The following HSPA12A variants were observed in gnomAD, a reference collection of about 807,000 sequenced individuals.
HSPA12A encodes the protein heat shock 70 kDa protein 12A.
In HSPA12A, 28 loss-of-function variants were observed where a neutral mutation model predicts 69.2. The ratio of observed to expected loss-of-function variants is 0.40; its 90% CI spans 0.30 to 0.55. HSPA12A has a LOEUF of 0.55. Ranked by LOEUF, HSPA12A falls within the 20% of genes least tolerant of loss-of-function variation. The pLI, the probability that HSPA12A is intolerant of heterozygous loss-of-function variation, is 0.38. For missense variants in HSPA12A, 686 were observed against 900.7 expected, an observed-to-expected ratio of 0.76 and a Z score of 3.05; for synonymous variants, 345 against 370.5, an observed-to-expected ratio of 0.93 and a Z score of 0.79.
rs956417277 is a variant in HSPA12A at position 116,674,467 on chromosome 10, G to A, written c.*314C>T. 3.0e-5 allele frequency: 11 copies of A among 369,688 alleles called. No homozygotes were observed. Among genetic ancestry groups the A allele is most frequent in the East Asian group, 5.1e-5 (1 of 19,680 alleles). The allele number at this position is 369,688 out of a possible 1,614,324, so 22.9% of individuals were successfully genotyped here. A position where few individuals can be genotyped will look rare whatever the true frequency, so the allele number is the denominator to read the frequency against. On this transcript the variant is annotated 3_prime_UTR_variant, in exon 12 of 12. Transcript: ENST00000369209. ...ATAACGGAGATCTGTTCAAAGCAGC[G>A]CAACCACTGCTGCAGAAATGTACTG... is the stretch of plus-strand genomic sequence containing the variant.
Position 116,674,474 on chromosome 10 carries a change from C to G in HSPA12A, c.*307G>C. 2 of 395,284 alleles carry G rather than the reference C, an allele frequency of 5.1e-6. No homozygotes were observed. The highest frequency in any genetic ancestry group is 9.3e-6 in the Non-Finnish European group (2 of 215,698). The allele number at this position is 395,284 out of a possible 1,614,324, so 24.5% of individuals were successfully genotyped here. A position where few individuals can be genotyped will look rare whatever the true frequency, so the allele number is the denominator to read the frequency against. On this transcript the variant is annotated 3_prime_UTR_variant, in exon 12 of 12. Coordinates refer to ENST00000369209, the MANE Select transcript of HSPA12A (RefSeq NM_025015.3). ...AGATCTGTTCAAAGCAGCGCAACCA[C>G]TGCTGCAGAAATGTACTGATTCCCT... is the stretch of plus-strand genomic sequence containing the variant.
At position 116,676,440 on chromosome 10, in the gene HSPA12A, G is replaced by A. The variant is rs575016908; in HGVS notation, c.1349C>T (p.Ala450Val). The change falls in exon 11 of 12, where the codon GCC becomes GTC. Residue 450 changes from alanine to valine, a missense_variant. By Grantham distance (64) the Ala-to-Val change is moderately conservative (BLOSUM62 0). Transcript: ENST00000369209. ...MLRMSPDAMN[A>V]LFKPTIDSII... ...GCTATCGATGGTCGGCTTAAAAAGG[G>A]CGTTCATGGCATCTGGACTCATCCG... 61 of 1,614,034 alleles carry A rather than the reference G, an allele frequency of 3.8e-5. No individual in the cohort carries two copies. The highest frequency in any genetic ancestry group is 1.3e-4 in the Admixed American group (8 of 60,026).
chr10:116,735,540 C>A (rs1554886371), intron 1 of HSPA12A, among the ~76,000 whole-genome samples: 7 of 152,102 alleles, frequency 4.6e-5, no homozygotes. Flanking sequence ...AGAACGAAGC[C>A]CAGCCGACAG....
At position 116,762,709 on chromosome 10, in the gene HSPA12A, C is replaced by T. The variant is rs1024657173; in HGVS notation, c.92-55424G>A. Among the ~76,000 whole-genome samples the T allele has an allele frequency of 3.3e-5, 5 of 152,250 alleles. No homozygotes were observed. In the South Asian group the frequency reaches 8.3e-4, roughly 25 times the overall value. On this transcript the variant is annotated intron_variant, in intron 2 of 12. Transcript: ENST00000635765. ...AGCGATTCTTCTGCCTCAGTCTCCC[C>T]GCTAGCTGGGACTACAGGCACATGC...
At chr10:116,830,685 A>T (rs932490158) in intron 2 of HSPA12A, 2 of 152,022 alleles carry the variant, frequency 1.3e-5, no homozygotes, top group African/African-American at 4.8e-5. Context: ...AGCTGGGAGG[A>T]TCCCTCGAGC....
At chr10:116,685,930 A>T (rs1209265558) in intron 6 of HSPA12A, among the ~76,000 whole-genome samples, 2 of 152,126 alleles carry the variant, frequency 1.3e-5, no homozygotes, top group African/African-American at 4.8e-5. Context: ...TCCGTGGCGA[A>T]CCCTCTTCCC....
At chr10:116,718,194 A>G (rs1589657195) in intron 1 of HSPA12A, among the ~76,000 whole-genome samples, 1 of 152,374 alleles carries the variant, frequency 6.6e-6, no homozygotes, top group African/African-American at 2.4e-5. Context: ...TTCAGAGGCC[A>G]CGGCACAGCT....
In HSPA12A at chr10:116,750,232, T is replaced by C. The variant is rs1851744590; in HGVS notation, c.92-42947A>G. The C allele has an allele frequency of 4.3e-5, 33 of 773,054 alleles. 1 individual carries two copies. Among genetic ancestry groups the C allele is most frequent in the South Asian group, 4.2e-4 (31 of 73,460 alleles). 47.9% of individuals were successfully genotyped at this position (773,054 alleles called of 1,614,324 possible). A position where few individuals can be genotyped will look rare whatever the true frequency, so the allele number is the denominator to read the frequency against. ...TGCTGCTGGCCTGCAGGCTTCTCAATAGGTCTGGCATGGGCAAGATCTATG... is the reference window on the plus strand; with the variant it reads ...TGCTGCTGGCCTGCAGGCTTCTCAACAGGTCTGGCATGGGCAAGATCTATG... On this transcript the variant is annotated intron_variant, in intron 2 of 12. Transcript: ENST00000635765.
intron 2 of HSPA12A, among the ~76,000 whole-genome samples, chr10:116,778,930 C>T (rs1554891463): frequency 6.6e-6 from 1 of 152,130 alleles, no homozygotes; most frequent in Non-Finnish European, 1.5e-5. Flanking sequence ...ACGACCCTGT[C>T]TCAAAACAAC....
At chr10:116,705,347 G>C in intron 2 of HSPA12A, 69 bp from the exon 3 acceptor site, 1 of 1,571,226 alleles carries the variant, frequency 6.4e-7, no homozygotes, top group South Asian at 1.1e-5. Flanking sequence ...ACACCCCTGG[G>C]GGGTCTCACC....
At chr10:116,699,845 T>C (rs1850028115) in intron 4 of HSPA12A, among the ~76,000 whole-genome samples, 1 of 152,262 alleles carries the variant, frequency 6.6e-6, no homozygotes. Flanking sequence ...CTAGCAGAAC[T>C]TGGTCTGCAC....
At chr10:116,729,983 G>A (rs528074732) in intron 1 of HSPA12A, among the ~76,000 whole-genome samples, 3 of 152,340 alleles carry the variant, frequency 2.0e-5, no homozygotes, top group South Asian at 2.1e-4. Context: ...ACTTTGGGAG[G>A]CCAAAGCAGG....
rs115899067 is a variant in HSPA12A at position 116,751,327 on chromosome 10, C to T, written c.92-44042G>A. 1,040 of 156,860 alleles carry T rather than the reference C, an allele frequency of 6.6e-3. 11 individuals are homozygous for T. Among genetic ancestry groups the T allele is most frequent in the African/African-American group, 0.024 (986 of 41,552 alleles). 9.7% of individuals were successfully genotyped at this position (156,860 alleles called of 1,614,324 possible). A position where few individuals can be genotyped will look rare whatever the true frequency, so the allele number is the denominator to read the frequency against. Reference sequence around the variant, plus strand: ...AAAGACAATGAACTTATGGACCAACCAGCAAAAAATAAATAAATAAGTAAA... The same window carrying T: ...AAAGACAATGAACTTATGGACCAACTAGCAAAAAATAAATAAATAAGTAAA... On this transcript the variant is annotated intron_variant, in intron 2 of 12. Transcript: ENST00000635765.
At chr10:116,810,703 G>A (rs1342433265) in intron 2 of HSPA12A, among the ~76,000 whole-genome samples, 1 of 152,148 alleles carries the variant, frequency 6.6e-6, no homozygotes, top group Non-Finnish European at 1.5e-5. Context: ...TATTGAATCA[G>A]AAACTCTGAG....
At chr10:116,799,021 C>A (rs970282595) in intron 2 of HSPA12A, among the ~76,000 whole-genome samples, 2 of 152,114 alleles carry the variant, frequency 1.3e-5, no homozygotes, top group Non-Finnish European at 2.9e-5. Context: ...GCCCAGGGCT[C>A]TGCTGACTCT....
intron 2 of HSPA12A, among the ~76,000 whole-genome samples, chr10:116,790,240 A>C (rs548039915): frequency 6.6e-6 from 1 of 151,528 alleles, no homozygotes; most frequent in East Asian, 2.0e-4. Flanking sequence ...AGTAACTGGG[A>C]CTACAGGCGC....
Position 116,681,887 on chromosome 10 carries a change from G to A in HSPA12A, c.836-10C>T, listed in dbSNP as rs782473588. The A allele has an allele frequency of 6.8e-6, 11 of 1,613,056 alleles. No homozygotes were observed. The highest frequency in any genetic ancestry group is 9.3e-6 in the Non-Finnish European group (11 of 1,179,152). On this transcript the variant is annotated splice_polypyrimidine_tract_variant and intron_variant, in intron 7 of 11. Coordinates refer to ENST00000369209, the MANE Select transcript of HSPA12A (RefSeq NM_025015.3). ...CGTATGTGTTCCTTAGCTAGTGGCC[G>A]ACAGAAAGAAAATGATGACGGGTAA...
At chr10:116,769,793 C>T (rs1221783465) in intron 2 of HSPA12A, among the ~76,000 whole-genome samples, 2 of 152,214 alleles carry the variant, frequency 1.3e-5, no homozygotes, top group Non-Finnish European at 2.9e-5. Context: ...CACACAAAAC[C>T]CTTCTGAAGC....
intron 1 of HSPA12A, among the ~76,000 whole-genome samples, chr10:116,727,103 T>A (rs1264556118): frequency 6.6e-6 from 1 of 152,196 alleles, no homozygotes; most frequent in Admixed American, 6.5e-5. Flanking sequence ...ATTCAATTCA[T>A]AAAAGAAAGA....
Sources: allele counts gnomAD v4.1 joint callset (sites outside exome capture counted in the v4.1 genomes callset), GRCh38; gene constraint gnomAD v4.1.1; transcripts MANE v1.5; gene names NCBI Gene and HGNC (gene_info 2026-07-23, HGNC 2026-07-21).